Variants in SUCLA2 observed in about 807,000 individuals in gnomAD.
The protein encoded by SUCLA2 is succinate--CoA ligase [ADP-forming] subunit beta, mitochondrial.
A neutral mutation model predicts 54.8 loss-of-function variants in SUCLA2; 30 were observed. The observed-to-expected ratio is 0.55, with a 90% CI of 0.41 to 0.74. The LOEUF is 0.74. SUCLA2 is among the 30% of genes least tolerant of loss of function. The pLI is 0.00. For synonymous variants in SUCLA2, 172 were observed against 188.9 expected, an observed-to-expected ratio of 0.91 and a Z score of 0.74; for missense variants, 476 against 562.9, an observed-to-expected ratio of 0.85 and a Z score of 1.56.
chr13:47,988,601 A>G lies in SUCLA2; in HGVS notation c.474T>C (p.Cys158=). 6.2e-7 allele frequency: 1 copy of G among 1,613,972 alleles called. No individual in the cohort carries two copies. The part of the protein sequence containing the change: ...KGRICNQVLV[C]ERKYPRREYY... ...ATTCTCTCCTGGGATATTTTCGCTC[A>G]CAGACCAATACTTGATTGCATATTC... The change falls in exon 4 of 11, where the codon TGT becomes TGC. Residue 158 remains cysteine (C), a synonymous_variant. Coordinates refer to ENST00000646932, the MANE Select transcript of SUCLA2 (RefSeq NM_003850.3).
Position 47,993,292 on chromosome 13 carries a change from G to C in SUCLA2, c.271+3551C>G, listed in dbSNP as rs186305625. ...CTAAAATCATATTTCCTTGAACTAT[G>C]AACTGTTAGAGATAATTTGCTCTCA... On this transcript the variant is annotated intron_variant, in intron 2 of 10. Coordinates refer to ENST00000646932, the MANE Select transcript of SUCLA2 (RefSeq NM_003850.3). Among the ~76,000 whole-genome samples, 898 of 152,254 alleles carry C rather than the reference G, an allele frequency of 5.9e-3. 6 individuals are homozygous for C. Among genetic ancestry groups the C allele is most frequent in the Non-Finnish European group, 1.0e-2 (680 of 68,026 alleles).
intron 1 of SUCLA2, among the ~76,000 whole-genome samples, chr13:48,000,544 G>C (rs1950221916): frequency 1.3e-5 from 2 of 152,250 alleles, no homozygotes; most frequent in South Asian, 4.1e-4. Context: ...TTCAAAACAA[G>C]GCCAGTAACT....
chr13:47,997,365 A>G (rs1238004417), intron 1 of SUCLA2, among the ~76,000 whole-genome samples: 2 of 150,504 alleles, frequency 1.3e-5, no homozygotes, highest in Non-Finnish European at 1.5e-5. Context: ...AATCCTTCCC[A>G]ATTTTCTTCT....
At chr13:47,955,046 A>C (rs1157789609) in intron 6 of SUCLA2, among the ~76,000 whole-genome samples, 7 of 152,074 alleles carry the variant, frequency 4.6e-5, no homozygotes, top group Admixed American at 1.3e-4. Context: ...AAGAAAAAAA[A>C]ATCTTTTAAC....
intron 2 of SUCLA2, among the ~76,000 whole-genome samples, chr13:47,990,053 T>A (rs1950137536): frequency 6.6e-6 from 1 of 152,254 alleles, no homozygotes; most frequent in East Asian, 1.9e-4. Flanking sequence ...TCATTCATGA[T>A]CAAGAGTAAA....
chr13:47,953,758 T>C (rs1412607573), intron 8 of SUCLA2, among the ~76,000 whole-genome samples: 1 of 151,584 alleles, frequency 6.6e-6, no homozygotes, highest in African/African-American at 2.4e-5. Context: ...GATTATTATC[T>C]TTTTTGTAAG....
At chr13:47,952,857 C>T (rs182111478) in intron 8 of SUCLA2, among the ~76,000 whole-genome samples, 80 of 152,264 alleles carry the variant, frequency 5.3e-4, no homozygotes, top group Middle Eastern at 3.4e-3. Flanking sequence ...AAGCATCTTA[C>T]CACCCCATGA....
intron 4 of SUCLA2, among the ~76,000 whole-genome samples, chr13:47,979,714 CAG>C (rs1258136680): frequency 2.0e-5 from 3 of 152,144 alleles, no homozygotes; most frequent in Admixed American, 1.3e-4. Flanking sequence ...CCTCTAACAT[CAG>C]AAACAAAGCA....
At chr13:47,967,800 C>T (rs1011249326) in intron 6 of SUCLA2, among the ~76,000 whole-genome samples, 8 of 146,214 alleles carry the variant, frequency 5.5e-5, no homozygotes, top group Admixed American at 3.5e-4. Flanking sequence ...ACCCAGATCA[C>T]GCCATTGCAC....
At chr13:47,980,847 G>C (rs1230339939) in intron 4 of SUCLA2, among the ~76,000 whole-genome samples, 2 of 152,102 alleles carry the variant, frequency 1.3e-5, no homozygotes, top group Admixed American at 6.5e-5. Context: ...AGGGCAAAAA[G>C]AACAGTCTCT....
At position 47,954,537 on chromosome 13, in the gene SUCLA2, T is replaced by A. The variant is rs1297775482; in HGVS notation, c.823A>T (p.Ile275Phe). 1 of 1,613,814 alleles carries A rather than the reference T, an allele frequency of 6.2e-7. No individual in the cohort carries two copies. The highest frequency in any genetic ancestry group is 1.3e-5 in the African/African-American group (1 of 75,022). Residue 275 changes from isoleucine (I) to phenylalanine (F), a missense_variant, in exon 7 of 11, where the codon ATC becomes TTC. Coordinates refer to ENST00000646932, the MANE Select transcript of SUCLA2 (RefSeq NM_003850.3). ...DGAVLCMDAK[I>F]NFDSNSAYRQ... is the part of the protein sequence containing the mutation. ...TAGGCTGAATTAGAGTCAAAATTGA[T>A]CTTTGCATCCATACACAATACTTTG...
At chr13:47,972,893 A>G (rs1005869356) in intron 5 of SUCLA2, among the ~76,000 whole-genome samples, 3 of 150,504 alleles carry the variant, frequency 2.0e-5, no homozygotes, top group Non-Finnish European at 4.4e-5. Flanking sequence ...GACTACAGGC[A>G]CGCACCACCA....
chr13:47,954,108 T>C, intron 8 of SUCLA2, 32 bp downstream of exon 8: 1 of 1,539,434 alleles, frequency 6.5e-7, no homozygotes, highest in Non-Finnish European at 8.8e-7. Flanking sequence ...TATATTTACA[T>C]GATATAAAAA....
intron 4 of SUCLA2, among the ~76,000 whole-genome samples, chr13:47,986,138 C>T (rs1950102498): frequency 6.7e-6 from 1 of 148,460 alleles, no homozygotes; most frequent in Non-Finnish European, 1.5e-5. Context: ...TCAAGCCATT[C>T]TCCTGCCTCA....
chr13:47,977,960 G>C (rs1417753918), intron 4 of SUCLA2, among the ~76,000 whole-genome samples: 1 of 152,130 alleles, frequency 6.6e-6, no homozygotes, highest in African/African-American at 2.4e-5. Context: ...ACTTACAAGA[G>C]ATGTGAAGAA....
chr13:47,997,956 C>A (rs1207436474), intron 1 of SUCLA2, among the ~76,000 whole-genome samples: 1 of 152,204 alleles, frequency 6.6e-6, no homozygotes, highest in Non-Finnish European at 1.5e-5. Flanking sequence ...ACAAGTCACT[C>A]AGTTGATTCT....
chr13:47,949,740 T>C (rs1326144702), intron 8 of SUCLA2, 137 bp from the exon 9 acceptor site: 1 of 842,402 alleles, frequency 1.2e-6, no homozygotes, highest in Non-Finnish European at 1.9e-6. Context: ...AATACCCTCT[T>C]CTAGCTCTCT....
chr13:47,992,338 T>C (rs1384103003), intron 2 of SUCLA2, among the ~76,000 whole-genome samples: 1 of 130,400 alleles, frequency 7.7e-6, no homozygotes, highest in East Asian at 2.2e-4. Flanking sequence ...GGGCAAAAGA[T>C]GATTCTTCGA....
At chr13:47,944,861 G>T (rs1476830039) in intron 10 of SUCLA2, among the ~76,000 whole-genome samples, 2 of 152,114 alleles carry the variant, frequency 1.3e-5, no homozygotes, top group Non-Finnish European at 2.9e-5. Flanking sequence ...GGGGGCTCAT[G>T]CTTGTAATCC....
Sources: gnomAD v4.1 joint callset for allele counts (sites outside exome capture counted in the v4.1 genomes callset) on GRCh38, gnomAD v4.1.1 for gene constraint, MANE v1.5 for transcripts, NCBI Gene and HGNC (gene_info 2026-07-23, HGNC 2026-07-21) for gene names.